The following RALYL variants were observed in gnomAD, a reference collection of about 807,000 sequenced individuals.
RALYL encodes RNA-binding Raly-like protein.
RALYL carries 29 observed loss-of-function variants against 35.1 expected under a neutral mutation model. That is an observed-to-expected ratio of 0.83 (90% CI 0.61 to 1.13). The LOEUF (loss-of-function observed/expected upper bound fraction) is 1.13. Among genes scored for constraint, RALYL ranks in the 50% most tolerant of loss-of-function variants. The pLI, the probability that RALYL is intolerant of heterozygous loss-of-function variation, is 0.00. For synonymous variants in RALYL, 120 were observed against 127.6 expected, an observed-to-expected ratio of 0.94 and a Z score of 0.40; for missense variants, 359 against 360.4, an observed-to-expected ratio of 1.00 and a Z score of 0.03.
intron 4 of RALYL, among the ~76,000 whole-genome samples, chr8:84,815,425 A>G (rs1459251596): frequency 6.8e-6 from 1 of 147,956 alleles, no homozygotes; most frequent in Non-Finnish European, 1.5e-5. Flanking sequence ...TATATTTATT[A>G]AATATATTTA....
At chr8:84,491,115 T>A (rs533309450) in intron 1 of RALYL, among the ~76,000 whole-genome samples, 8 of 151,942 alleles carry the variant, frequency 5.3e-5, no homozygotes, top group African/African-American at 1.7e-4. Flanking sequence ...TTATTAAAAA[T>A]GAAAAAATGA....
intron 1 of RALYL, among the ~76,000 whole-genome samples, chr8:84,407,779 T>C (rs954578501): frequency 9.2e-5 from 14 of 152,144 alleles, no homozygotes; most frequent in African/African-American, 3.4e-4. Context: ...ACATTTTTCA[T>C]CAGAATAATA....
intron 1 of RALYL, among the ~76,000 whole-genome samples, chr8:84,475,238 G>T (rs2053261649): frequency 6.6e-6 from 1 of 152,042 alleles, no homozygotes; most frequent in Non-Finnish European, 1.5e-5. Context: ...AAGGAACAGG[G>T]TCTCACTTTC....
At position 84,474,171 on chromosome 8, in the gene RALYL, C is replaced by T. The variant is rs139566291; in HGVS notation, c.-23-55128C>T. Among the ~76,000 whole-genome samples, 36 of 151,934 alleles carry T rather than the reference C, an allele frequency of 2.4e-4. No homozygotes were observed. The East Asian group carries it at 4.6e-3, about 20-fold the overall frequency. On this transcript the variant is annotated intron_variant, in intron 1 of 8. Coordinates refer to ENST00000521268, the MANE Select transcript of RALYL (RefSeq NM_173848.7). Reference sequence around the variant, plus strand: ...TATCTTTAAAACAAAATTAAACATGCGAAAGAAATGGAGGTTTAGTAATGA... The same window carrying T: ...TATCTTTAAAACAAAATTAAACATGTGAAAGAAATGGAGGTTTAGTAATGA...
rs1554614840 is a variant in RALYL at position 84,311,090 on chromosome 8, A to AAATATATAT, written c.-24+126667_-24+126668insATATATATA. Reference sequence around the variant, plus strand: ...AAAAAAAAAAAAAAAAAAAAAAAAAAATGTATATTAATGTATAGTATAAAT... The same window carrying AAATATATAT: ...AAAAAAAAAAAAAAAAAAAAAAAAAAAATATATATATGTATATTAATGTATAGTATAAAT... On this transcript the variant is annotated intron_variant, in intron 1 of 8. Coordinates refer to ENST00000521268, the MANE Select transcript of RALYL (RefSeq NM_173848.7). Among the ~76,000 whole-genome samples the AAATATATAT allele has an allele frequency of 3.0e-5, 3 of 99,770 alleles. No individual in the cohort carries two copies. In the East Asian group the frequency reaches 1.1e-3, roughly 35 times the overall value. The allele number at this position is 99,770 out of a possible 152,430, so 65.5% of individuals were successfully genotyped here.
intron 2 of RALYL, among the ~76,000 whole-genome samples, chr8:84,561,834 A>T (rs2061487107): frequency 6.6e-6 from 1 of 151,946 alleles, no homozygotes; most frequent in Non-Finnish European, 1.5e-5. Context: ...ACTAAGAATG[A>T]CACACAATTA....
At chr8:84,605,978 T>C (rs948924954) in intron 2 of RALYL, among the ~76,000 whole-genome samples, 7 of 152,242 alleles carry the variant, frequency 4.6e-5, no homozygotes, top group Non-Finnish European at 8.8e-5. Flanking sequence ...ACACATTCCC[T>C]GTACAAACAG....
chr8:84,875,889 C>T (rs755989681), intron 7 of RALYL, among the ~76,000 whole-genome samples: 9 of 152,104 alleles, frequency 5.9e-5, no homozygotes, highest in Admixed American at 1.3e-4. Flanking sequence ...ATAAATTTCT[C>T]ACTCCTAATT....
chr8:84,615,451 T>G (rs1588520274), intron 2 of RALYL, among the ~76,000 whole-genome samples: 1 of 147,142 alleles, frequency 6.8e-6, no homozygotes, highest in Admixed American at 6.7e-5. Flanking sequence ...GAATGACACC[T>G]GCTTAAATGC....
chr8:84,885,632 T>C (rs188627651), intron 7 of RALYL, among the ~76,000 whole-genome samples: 196 of 152,302 alleles, frequency 1.3e-3, no homozygotes, highest in African/African-American at 4.4e-3. Context: ...ATAGCTTGTG[T>C]CTATTTATAT....
At chr8:84,842,023 C>T (rs913204296) in intron 4 of RALYL, among the ~76,000 whole-genome samples, 1 of 152,104 alleles carries the variant, frequency 6.6e-6, no homozygotes, top group South Asian at 2.1e-4. Context: ...CAGGAAAGAT[C>T]TAAAATTGAC....
chr8:84,619,279 G>A lies in RALYL; in HGVS notation c.256+89702G>A, dbSNP rs563349723. ...CTTGCTTTATGAATCTGGGTGCTCC[G>A]TGTTGGGTGCATATATATTTAGGAT... On this transcript the variant is annotated intron_variant, in intron 2 of 8. Coordinates refer to ENST00000521268, the MANE Select transcript of RALYL (RefSeq NM_173848.7). Among the ~76,000 whole-genome samples, 76 of 151,822 alleles carry A rather than the reference G, an allele frequency of 5.0e-4. 3 individuals carry two copies. The highest frequency in any genetic ancestry group is 1.5e-3 in the African/African-American group (62 of 41,156).
intron 8 of RALYL, among the ~76,000 whole-genome samples, chr8:84,917,388 A>G (rs1184968213): frequency 1.3e-5 from 2 of 152,006 alleles, no homozygotes; most frequent in East Asian, 3.9e-4. Context: ...TTGCCAGTGT[A>G]GTCACAATTT....
At position 84,920,882 on chromosome 8, in the gene RALYL, T is replaced by C; in HGVS notation, c.859-12T>C. 7.4e-7 allele frequency: 1 copy of C among 1,355,040 alleles called. No homozygotes were observed. The highest frequency in any genetic ancestry group is 9.9e-7 in the Non-Finnish European group (1 of 1,009,678). 83.9% of individuals were successfully genotyped at this position (1,355,040 alleles called of 1,614,324 possible). On this transcript the variant is annotated splice_polypyrimidine_tract_variant and intron_variant, in intron 8 of 8. Transcript: ENST00000521268. The stretch of plus-strand genomic sequence containing the variant: ...AATCTCTGTATTTTAAAATTTTTTT[T>C]TATTTTCTCAGTTTCTACAGATAAA...
chr8:84,791,566 A>G (rs1438927377), intron 3 of RALYL, among the ~76,000 whole-genome samples: 4 of 152,160 alleles, frequency 2.6e-5, no homozygotes, highest in Non-Finnish European at 5.9e-5. Flanking sequence ...TATGTTGACA[A>G]TGGATTGTGG....
chr8:84,572,997 A>G (rs1458719224), intron 2 of RALYL, among the ~76,000 whole-genome samples: 1 of 151,414 alleles, frequency 6.6e-6, no homozygotes, highest in African/African-American at 2.4e-5. Flanking sequence ...ATCCCAGTGT[A>G]TCTTCAAATC....
chr8:84,427,654 C>T (rs1018579266), intron 1 of RALYL, among the ~76,000 whole-genome samples: 1 of 152,138 alleles, frequency 6.6e-6, no homozygotes, highest in African/African-American at 2.4e-5. Flanking sequence ...CCTGTCTCTC[C>T]TCTGTGCCTT....
chr8:84,405,047 A>G (rs182508459), intron 1 of RALYL, among the ~76,000 whole-genome samples: 1 of 152,210 alleles, frequency 6.6e-6, no homozygotes, highest in African/African-American at 2.4e-5. Context: ...ATTAGAACTC[A>G]GGATTAAGAA....
At chr8:84,374,737 C>T (rs76243073) in intron 1 of RALYL, among the ~76,000 whole-genome samples, 24 of 151,688 alleles carry the variant, frequency 1.6e-4, no homozygotes, top group South Asian at 4.2e-4. Flanking sequence ...GGGATAGGAT[C>T]GGAAAAAGTA....
Sources: allele counts gnomAD v4.1 joint callset (sites outside exome capture counted in the v4.1 genomes callset), GRCh38; gene constraint gnomAD v4.1.1; transcripts MANE v1.5; gene names NCBI Gene and HGNC (gene_info 2026-07-23, HGNC 2026-07-21).